The following CAVIN1 variants were observed in gnomAD, a reference collection of about 807,000 sequenced individuals.
The protein encoded by CAVIN1 is caveolae associated protein 1, also known as caveolae-associated protein 1.
A neutral mutation model predicts 24.0 loss-of-function variants in CAVIN1; 16 were observed. The observed-to-expected ratio is 0.67, with a 90% CI of 0.45 to 1.01. CAVIN1 has a LOEUF of 1.01. Ranked by LOEUF, CAVIN1 falls within the 50% of genes least tolerant of loss-of-function variation. CAVIN1 has a pLI of 0.00. For missense variants in CAVIN1, 510 were observed against 551.7 expected, an observed-to-expected ratio of 0.92 and a Z score of 0.76; for synonymous variants, 256 against 256.4, an observed-to-expected ratio of 1.00 and a Z score of 0.02.
chr17:42,416,593 C>CAAA (rs34249867), intron 1 of CAVIN1, among the ~76,000 whole-genome samples: 16 of 54,426 alleles, frequency 2.9e-4, no homozygotes, highest in Non-Finnish European at 4.7e-4. Flanking sequence ...GATCCTTTCT[C>CAAA]AAAAAAAAAA....
intron 1 of CAVIN1, among the ~76,000 whole-genome samples, chr17:42,405,989 G>C (rs575003183): frequency 6.6e-6 from 1 of 152,206 alleles, no homozygotes; most frequent in Admixed American, 6.5e-5. Flanking sequence ...GCCCGGCCTC[G>C]CGCCGCCATT....
rs1460755012 is a variant in CAVIN1, at chr17:42,404,935, C to T, written c.925G>A (p.Ala309Thr). The T allele has an allele frequency of 8.1e-6, 13 of 1,614,100 alleles. No individual in the cohort carries two copies. The highest frequency in any genetic ancestry group is 1.0e-5 in the Non-Finnish European group (12 of 1,179,960). Reference protein sequence around the residue: ...KSFTPDHVVYARSKTAVYKVP... With the variant: ...KSFTPDHVVYTRSKTAVYKVP... ...TTGTAGACCGCGGTCTTGGAGCGCG[C>T]GTACACCACGTGGTCGGGCGTGAAG... Residue 309 changes from alanine (A) to threonine (T), a missense_variant, in exon 2 of 2, where the codon GCG becomes ACG. By Grantham distance (58) the Ala-to-Thr change is moderately conservative (BLOSUM62 0). Transcript: ENST00000357037.
In CAVIN1 at chr17:42,422,644, T is replaced by G. The variant is rs767697428; in HGVS notation, c.454A>C (p.Lys152Gln). 6.3e-7 allele frequency: 1 copy of G among 1,586,334 alleles called. No homozygotes were observed. Among genetic ancestry groups the G allele is most frequent in the South Asian group, 1.1e-5 (1 of 87,434 alleles). ...GGGCTCACCTGGTAGATCATGACTTTAAAGTTGCGGCGCCGCAGCAGCTCG... is the reference window on the plus strand; with the variant it reads ...GGGCTCACCTGGTAGATCATGACTTGAAAGTTGCGGCGCCGCAGCAGCTCG... ...EAELLRRRNF[K>Q]VMIYQDEVKL... The change falls in exon 1 of 2, where the codon AAA becomes CAA. Residue 152 changes from lysine to glutamine, a missense_variant. Transcript: ENST00000357037.
intron 1 of CAVIN1, among the ~76,000 whole-genome samples, chr17:42,410,606 C>T (rs1456846790): frequency 6.6e-6 from 1 of 151,922 alleles, no homozygotes; most frequent in Non-Finnish European, 1.5e-5. Context: ...GGGAGATGAA[C>T]AGCTTGGTTA....
At chr17:42,416,593 C>CAAAA (rs34249867) in intron 1 of CAVIN1, among the ~76,000 whole-genome samples, 30 of 54,436 alleles carry the variant, frequency 5.5e-4, no homozygotes, top group African/African-American at 2.0e-3. Context: ...GATCCTTTCT[C>CAAAA]AAAAAAAAAA....
At chr17:42,414,732 C>G (rs2062213) in intron 1 of CAVIN1, among the ~76,000 whole-genome samples, 11,898 of 152,110 alleles carry the variant, frequency 0.078, 538 homozygotes, top group East Asian at 0.24. Context: ...TTTGATAAAG[C>G]CTGTAGTCTC....
intron 1 of CAVIN1, among the ~76,000 whole-genome samples, chr17:42,417,677 G>T (rs2085520206): frequency 6.6e-6 from 1 of 152,058 alleles, no homozygotes; most frequent in Non-Finnish European, 1.5e-5. Flanking sequence ...TGTGTTACTG[G>T]TTATGTATTT....
At chr17:42,411,871 A>G in intron 1 of CAVIN1, 1 of 985,338 alleles carries the variant, frequency 1.0e-6, no homozygotes, top group Non-Finnish European at 1.2e-6. Flanking sequence ...CACTGTATAC[A>G]TCCCATTCTC....
At chr17:42,405,963 A>T (rs934443545) in intron 1 of CAVIN1, among the ~76,000 whole-genome samples, 4 of 152,180 alleles carry the variant, frequency 2.6e-5, no homozygotes, top group Non-Finnish European at 4.4e-5. Flanking sequence ...CTGGGATTAC[A>T]GGCGTGAGCC....
chr17:42,423,155 C>G lies in CAVIN1; in HGVS notation c.-58G>C, dbSNP rs867666646. 8 of 1,347,230 alleles carry G rather than the reference C, an allele frequency of 5.9e-6. No homozygotes were observed. Among genetic ancestry groups the G allele is most frequent in the South Asian group, 5.7e-5 (4 of 70,014 alleles). 83.5% of individuals were successfully genotyped at this position (1,347,230 alleles called of 1,614,324 possible). On this transcript the variant is annotated 5_prime_UTR_variant, in exon 1 of 2. Transcript: ENST00000357037. ...GGGGCTGGAGCTGGAGCGGGAGACC[C>G]GGAGAGAAGCAGGAGCGGAAGGGAG...
At chr17:42,422,063 AG>A (rs2145489024) in intron 1 of CAVIN1, among the ~76,000 whole-genome samples, 1 of 152,088 alleles carries the variant, frequency 6.6e-6, no homozygotes, top group African/African-American at 2.4e-5. Flanking sequence ...GCGGGGGCGC[AG>A]GGTCTGGGGA....
In CAVIN1 at chr17:42,405,349, A is replaced by AT; in HGVS notation, c.510dup (p.Ser171IlefsTer40). 1.2e-6 allele frequency: 2 copies of AT among 1,608,230 alleles called. No individual in the cohort carries two copies. Among genetic ancestry groups the AT allele is most frequent in the Non-Finnish European group, 1.7e-6 (2 of 1,179,930 alleles). On this transcript the variant is annotated frameshift_variant, in exon 2 of 2. Transcript: ENST00000357037. LOFTEE classifies it high-confidence loss of function. The stretch of plus-strand genomic sequence containing the variant: ...GGCAGCGCCTCCGACTCTTTCAGCG[A>AT]TTTGCTGATGCTCAGTTTGGCCGGC...
intron 1 of CAVIN1, among the ~76,000 whole-genome samples, chr17:42,409,410 T>G (rs2085463448): frequency 6.6e-6 from 1 of 151,868 alleles, no homozygotes; most frequent in African/African-American, 2.4e-5. Context: ...CAAGGGGAGG[T>G]TTATTCCTGG....
chr17:42,406,437 C>G (rs1291368663), intron 1 of CAVIN1, among the ~76,000 whole-genome samples: 4 of 150,412 alleles, frequency 2.7e-5, no homozygotes, highest in African/African-American at 9.8e-5. Context: ...TGCAGTGACA[C>G]GATCTCTGCT....
chr17:42,422,968 T>C lies in CAVIN1; in HGVS notation c.130A>G (p.Ile44Val). 2 of 1,613,908 alleles carry C rather than the reference T, an allele frequency of 1.2e-6. No individual in the cohort carries two copies. The highest frequency in any genetic ancestry group is 1.7e-6 in the Non-Finnish European group (2 of 1,179,988). ...ACGCCGTTCACCTGGTCCGACTTGA[T>C]CAGCTCTTCTGAGCCGGCCCCCGAC... ...EPSGAGSEEL[I>V]KSDQVNGVLV... The change falls in exon 1 of 2, where the codon ATC becomes GTC. Residue 44 changes from isoleucine (I) to valine (V), a missense_variant. Physicochemically the swap from Ile to Val is conservative, Grantham distance 29. Transcript: ENST00000357037.
intron 1 of CAVIN1, among the ~76,000 whole-genome samples, chr17:42,412,741 C>A (rs151250050): frequency 0.02 from 2,993 of 152,026 alleles, 106 homozygotes; most frequent in African/African-American, 0.069. Flanking sequence ...CCTCAGCCTC[C>A]CGAATAGCTG....
intron 1 of CAVIN1, among the ~76,000 whole-genome samples, chr17:42,418,504 T>C (rs111792765): frequency 5.3e-5 from 8 of 152,304 alleles, no homozygotes; most frequent in African/African-American, 1.9e-4. Context: ...GTGTTGGGAT[T>C]ACAGGTGTGA....
intron 1 of CAVIN1, among the ~76,000 whole-genome samples, chr17:42,414,744 A>G (rs2085501503): frequency 1.3e-5 from 2 of 152,152 alleles, no homozygotes; most frequent in Non-Finnish European, 1.5e-5. Context: ...TGTAGTCTCA[A>G]AAAAACAAAG....
At chr17:42,411,211 T>TAAAAAAAAAAAAAAAAAA (rs1468503843) in intron 1 of CAVIN1, among the ~76,000 whole-genome samples, 192 of 45,702 alleles carry the variant, frequency 4.2e-3, no homozygotes, top group Middle Eastern at 9.8e-3. Context: ...AAAAAAAAAC[T>TAAAAAAAAAAAAAAAAAA]AAAAGGTCTG....
Sources: gnomAD v4.1 joint callset for allele counts (sites outside exome capture counted in the v4.1 genomes callset) on GRCh38, gnomAD v4.1.1 for gene constraint, MANE v1.5 for transcripts, NCBI Gene and HGNC (gene_info 2026-07-23, HGNC 2026-07-21) for gene names.